The following SH3BGRL2 variants were observed in gnomAD, a reference collection of about 807,000 sequenced individuals.
SH3BGRL2 encodes the protein SH3 domain binding glutamate rich protein like 2.
In SH3BGRL2, 21 loss-of-function variants were observed where a neutral mutation model predicts 14.8. The ratio of observed to expected loss-of-function variants is 1.42; its 90% CI spans 1.01 to 2.05. The LOEUF is 2.05. SH3BGRL2 is among the 30% of genes most tolerant of loss of function. The pLI is 0.00. For synonymous variants in SH3BGRL2, 50 were observed against 47.8 expected, an observed-to-expected ratio of 1.05 and a Z score of -0.19; for missense variants, 147 against 130.8, an observed-to-expected ratio of 1.12 and a Z score of -0.61.
intron 2 of SH3BGRL2, among the ~76,000 whole-genome samples, chr6:79,686,268 T>C (rs1330038516): frequency 6.6e-6 from 1 of 152,186 alleles, no homozygotes; most frequent in African/African-American, 2.4e-5. Flanking sequence ...ATCTGAAAAC[T>C]AGTGTCTTTT....
At chr6:79,574,113 T>G in the SH3BGRL2 span, 4 of 152,256 alleles carry the variant, frequency 2.6e-5, no homozygotes, top group Non-Finnish European at 5.9e-5. Flanking sequence ...TATTCATGCT[T>G]GCAGAGCACA....
intron 1 of SH3BGRL2, among the ~76,000 whole-genome samples, chr6:79,644,934 C>A (rs974746479): frequency 6.6e-6 from 1 of 151,852 alleles, no homozygotes; most frequent in Non-Finnish European, 1.5e-5. Flanking sequence ...CCGAGATGGG[C>A]GGATCACCAG....
intron 1 of SH3BGRL2, among the ~76,000 whole-genome samples, chr6:79,662,399 T>A (rs964017482): frequency 6.6e-6 from 1 of 152,206 alleles, no homozygotes; most frequent in Non-Finnish European, 1.5e-5. Flanking sequence ...TCTCCTTCAC[T>A]TATGAAGCTT....
intron 1 of SH3BGRL2, among the ~76,000 whole-genome samples, chr6:79,635,392 T>C (rs1768903276): frequency 6.6e-6 from 1 of 152,254 alleles, no homozygotes; most frequent in Non-Finnish European, 1.5e-5. Flanking sequence ...GGAAGCCAGA[T>C]TCCTGATGTC....
At chr6:79,650,951 CATATAATT>C (rs1236865359) in intron 1 of SH3BGRL2, among the ~76,000 whole-genome samples, 7 of 149,374 alleles carry the variant, frequency 4.7e-5, no homozygotes, top group Non-Finnish European at 3.0e-5. Context: ...ATTATGTAAA[CATATAATT>C]ATATAACTAT....
chr6:79,697,848 C>T (rs1770364272), intron 3 of SH3BGRL2, among the ~76,000 whole-genome samples: 1 of 152,094 alleles, frequency 6.6e-6, no homozygotes, highest in Admixed American at 6.6e-5. Flanking sequence ...TACATAAATC[C>T]AGCGGGCATC....
chr6:79,556,355 T>G, the SH3BGRL2 span, among the ~76,000 whole-genome samples: 1 of 152,122 alleles, frequency 6.6e-6, no homozygotes, highest in African/African-American at 2.4e-5. Context: ...CTAAACACAT[T>G]AACAAAAGTT....
At chr6:79,547,606 C>T in the SH3BGRL2 span, among the ~76,000 whole-genome samples, 2 of 152,116 alleles carry the variant, frequency 1.3e-5, no homozygotes, top group African/African-American at 2.4e-5. Context: ...CAACATTAGT[C>T]CGTTCTGGCT....
intron 2 of SH3BGRL2, among the ~76,000 whole-genome samples, chr6:79,681,887 C>T (rs555567343): frequency 2.9e-4 from 44 of 151,608 alleles, no homozygotes; most frequent in Non-Finnish European, 5.4e-4. Flanking sequence ...AGGAGGCAGA[C>T]GTTGCAGTGA....
the SH3BGRL2 span, among the ~76,000 whole-genome samples, chr6:79,562,918 C>G: frequency 6.6e-6 from 1 of 152,060 alleles, no homozygotes; most frequent in Non-Finnish European, 1.5e-5. Flanking sequence ...AGCCTACTGG[C>G]TGTGGGTTGG....
chr6:79,577,949 C>G, the SH3BGRL2 span, among the ~76,000 whole-genome samples: 3 of 152,234 alleles, frequency 2.0e-5, no homozygotes, highest in Non-Finnish European at 4.4e-5. Context: ...TCTTAGCAAC[C>G]GGCAGACAAG....
At chr6:79,687,091 TG>T (rs1770112033) in intron 2 of SH3BGRL2, among the ~76,000 whole-genome samples, 1 of 152,152 alleles carries the variant, frequency 6.6e-6, no homozygotes, top group African/African-American at 2.4e-5. Flanking sequence ...CTGGCCACAC[TG>T]GGAAAAAAAC....
chr6:79,627,195 C>T (rs537465720), upstream of SH3BGRL2, among the ~76,000 whole-genome samples: 1 of 152,208 alleles, frequency 6.6e-6, no homozygotes, highest in East Asian at 1.9e-4. Flanking sequence ...CCCCTTTATT[C>T]TATTGCTAAC....
At chr6:79,538,701 A>G in the SH3BGRL2 span, among the ~76,000 whole-genome samples, 1 of 152,216 alleles carries the variant, frequency 6.6e-6, no homozygotes, top group Non-Finnish European at 1.5e-5. Flanking sequence ...AACATACCGT[A>G]TTTACGTGGA....
the SH3BGRL2 span, among the ~76,000 whole-genome samples, chr6:79,618,865 C>T: frequency 9.4e-5 from 13 of 139,032 alleles, no homozygotes; most frequent in African/African-American, 3.0e-4. Flanking sequence ...TGCAGTGATC[C>T]GAGAATGCCC....
chr6:79,606,039 G>T, the SH3BGRL2 span, among the ~76,000 whole-genome samples: 1 of 152,050 alleles, frequency 6.6e-6, no homozygotes, highest in African/African-American at 2.4e-5. Flanking sequence ...CTAGTAGATT[G>T]GTCATCTAAA....
the SH3BGRL2 span, among the ~76,000 whole-genome samples, chr6:79,613,743 A>G: frequency 1.8e-4 from 28 of 151,906 alleles, no homozygotes; most frequent in African/African-American, 6.5e-4. Flanking sequence ...AGTAGCTGGG[A>G]TTACAGGTGC....
chr6:79,575,528 GA>G, the SH3BGRL2 span: 1 of 151,892 alleles, frequency 6.6e-6, no homozygotes, highest in African/African-American at 2.4e-5. Flanking sequence ...ATTTTCCAAG[GA>G]CAGTCCTGGT....
At chr6:79,553,195 CTT>C in the SH3BGRL2 span, 1 of 152,264 alleles carries the variant, frequency 6.6e-6, no homozygotes, top group African/African-American at 2.4e-5. Flanking sequence ...ATTTCATCTG[CTT>C]GGCCTCTGAG....
Sources: gnomAD v4.1 joint callset for allele counts (sites outside exome capture counted in the v4.1 genomes callset) on GRCh38, gnomAD v4.1.1 for gene constraint, MANE v1.5 for transcripts, NCBI Gene and HGNC (gene_info 2026-07-23, HGNC 2026-07-21) for gene names.